FAM228B: variants seen among roughly 807,000 people sequenced by gnomAD.
The protein encoded by FAM228B is family with sequence similarity 228 member B.
A neutral mutation model predicts 42.6 loss-of-function variants in FAM228B; 38 were observed. The ratio of observed to expected loss-of-function variants is 0.89; its 90% CI spans 0.69 to 1.17. FAM228B has a LOEUF of 1.17. Ranked by LOEUF, FAM228B falls within the 50% of genes most tolerant of loss-of-function variation. FAM228B has a pLI of 0.00. For missense variants in FAM228B, 344 were observed against 367.3 expected (o/e 0.94, Z 0.52); for synonymous variants, 109 against 122.3 (o/e 0.89, Z 0.72).
In FAM228B at chr2:24,124,481, G is replaced by T. The variant is rs778177806; in HGVS notation, c.99+21G>T. The T allele has an allele frequency of 1.7e-5, 25 of 1,468,738 alleles. 1 individual carries two copies. The South Asian group carries it at 2.8e-4, about 16-fold the overall frequency. The allele number at this position is 1,468,738 out of a possible 1,614,324, so 91.0% of individuals were successfully genotyped here. ...TGGAGGTATATATCAAATAGTGTGG[G>T]ATTTGGAGATTTTTTTACTTGGATC... On this transcript the variant is annotated intron_variant, in intron 2 of 10. Transcript: ENST00000615575.
At chr2:24,102,551 A>T (rs948896714) in intron 3 of FAM228B, among the ~76,000 whole-genome samples, 2 of 152,220 alleles carry the variant, frequency 1.3e-5, no homozygotes, top group Non-Finnish European at 2.9e-5. Flanking sequence ...CAGTCTGGCT[A>T]ACATGGCAAA....
intron 7 of FAM228B, among the ~76,000 whole-genome samples, chr2:24,159,062 C>G (rs1667228715): frequency 6.6e-6 from 1 of 152,156 alleles, no homozygotes. Flanking sequence ...TTCACATGGT[C>G]TTCTCTCTGT....
intron 2 of FAM228B, among the ~76,000 whole-genome samples, chr2:24,091,686 G>A (rs1026006137): frequency 6.6e-6 from 1 of 151,902 alleles, no homozygotes. Flanking sequence ...TATTTAACAA[G>A]GAAGATACAA....
chr2:24,079,432 T>A (rs1379359720), intron 1 of FAM228B: 1 of 1,612,400 alleles, frequency 6.2e-7, no homozygotes, highest in Non-Finnish European at 8.5e-7. Context: ...TTTCTTTTCA[T>A]TCATCACTCA....
chr2:24,136,180 G>T (rs1233039396), intron 3 of FAM228B, among the ~76,000 whole-genome samples: 4 of 146,314 alleles, frequency 2.7e-5, no homozygotes, highest in Non-Finnish European at 4.5e-5. Context: ...TCCTGCCTCA[G>T]CCTCCCAATT....
chr2:24,164,776 A>G (rs1252423567), intron 9 of FAM228B, among the ~76,000 whole-genome samples: 1 of 152,158 alleles, frequency 6.6e-6, no homozygotes, highest in African/African-American at 2.4e-5. Context: ...AAGGACCAAT[A>G]CTAAATTCAA....
At chr2:24,144,057 T>C (rs1666830315) in intron 5 of FAM228B, among the ~76,000 whole-genome samples, 1 of 152,042 alleles carries the variant, frequency 6.6e-6, no homozygotes, top group Non-Finnish European at 1.5e-5. Flanking sequence ...ATTTATGATG[T>C]GTAAGTGCTT....
At chr2:24,083,035 C>T in intron 2 of FAM228B, 3 of 1,614,200 alleles carry the variant, frequency 1.9e-6, no homozygotes, top group Non-Finnish European at 2.5e-6. Context: ...AGAGCCATGG[C>T]TGTGTCCCCG....
In FAM228B at chr2:24,093,326, G is replaced by A. The variant is rs549134560; in HGVS notation, c.-209-1815G>A. Among the ~76,000 whole-genome samples, 39 of 145,582 alleles carry A rather than the reference G, an allele frequency of 2.7e-4. No homozygotes were observed. The South Asian group carries it at 2.7e-3, about 10-fold the overall frequency. On this transcript the variant is annotated intron_variant, in intron 2 of 10. Coordinates refer to the FAM228B transcript ENST00000613899. The stretch of plus-strand genomic sequence containing the variant: ...TGCCCCTAGCCCCCCAACAGGCCCC[G>A]GTGTGTGATGTCCCCCTCCGTGTGT...
At chr2:24,096,118 C>T (rs1214183412) in intron 3 of FAM228B, 1 of 152,172 alleles carries the variant, frequency 6.6e-6, no homozygotes, top group Non-Finnish European at 1.5e-5. Context: ...ACCAAAACCC[C>T]ATCTGTAGGT....
chr2:24,142,210 C>G (rs1294642024), intron 5 of FAM228B, among the ~76,000 whole-genome samples: 3 of 152,172 alleles, frequency 2.0e-5, no homozygotes, highest in African/African-American at 7.2e-5. Context: ...AACATTATCT[C>G]CTTTCCCCCT....
intron 3 of FAM228B, among the ~76,000 whole-genome samples, chr2:24,105,642 C>T (rs557204080): frequency 6.6e-6 from 1 of 152,092 alleles, no homozygotes; most frequent in Admixed American, 6.5e-5. Context: ...AAATAGAATT[C>T]AGAATATGGA....
At chr2:24,123,933 C>G (rs1666223462) in intron 1 of FAM228B, among the ~76,000 whole-genome samples, 1 of 152,194 alleles carries the variant, frequency 6.6e-6, no homozygotes, top group Non-Finnish European at 1.5e-5. Context: ...GAAAGCCCCT[C>G]CCTGCCTTCT....
Position 24,147,022 on chromosome 2 carries a change from A to C in FAM228B, c.622A>C (p.Thr208Pro). The change falls in exon 7 of 11, where the codon ACT (threonine) becomes CCT (proline). Residue 208 changes from threonine to proline, a missense_variant. Transcript: ENST00000615575. ...AATTTCTAATTCAAGGCACTTTATA[A>C]CTCCAAACGAGTGGCTGAAACTGCC... ...PQISNSRHFI[T>P]PNEWLKLPTR... 6.4e-7 allele frequency: 1 copy of C among 1,551,442 alleles called. No homozygotes were observed. The highest frequency in any genetic ancestry group is 8.7e-7 in the Non-Finnish European group (1 of 1,146,830).
intron 7 of FAM228B, among the ~76,000 whole-genome samples, chr2:24,157,806 A>G (rs1354594277): frequency 2.0e-5 from 3 of 152,088 alleles, no homozygotes; most frequent in Non-Finnish European, 4.4e-5. Flanking sequence ...TGAGGGTGGG[A>G]CCTACACATC....
intron 5 of FAM228B, among the ~76,000 whole-genome samples, chr2:24,141,463 C>T (rs559656437): frequency 6.6e-6 from 1 of 152,164 alleles, no homozygotes; most frequent in Non-Finnish European, 1.5e-5. Context: ...CCAGGATGGT[C>T]TCAATCTCCT....
intron 7 of FAM228B, among the ~76,000 whole-genome samples, chr2:24,153,990 G>A (rs76240497): frequency 0.03 from 4,501 of 152,256 alleles, 86 homozygotes; most frequent in African/African-American, 0.058. Flanking sequence ...GGGCAGAACC[G>A]AATTCAGCAT....
rs11693860 is a variant in FAM228B at position 24,146,804 on chromosome 2, C to T, written c.498C>T (p.Asn166=). Residue 166 remains asparagine, a synonymous_variant, in exon 6 of 11, where the codon AAC becomes AAT. Transcript: ENST00000615575. ...PLKKAQYDKD[N]EKRTLLQCET... Reference sequence around the variant, plus strand: ...AAAAAGCACAATATGACAAGGATAACGAAAAAAGAACTCTTCTTCAGTGTG... The same window carrying T: ...AAAAAGCACAATATGACAAGGATAATGAAAAAAGAACTCTTCTTCAGTGTG... The T allele has an allele frequency of 0.93, 1,437,692 of 1,549,078 alleles. 670,949 individuals are homozygous for T. Among genetic ancestry groups the T allele is most frequent in the South Asian group, 0.95 (79,835 of 83,864 alleles).
intron 3 of FAM228B, among the ~76,000 whole-genome samples, chr2:24,110,771 C>A (rs190658191): frequency 2.6e-5 from 4 of 152,126 alleles, no homozygotes; most frequent in African/African-American, 4.8e-5. Context: ...GGACTCCCCC[C>A]CCAAATCTGT....
Sources: gnomAD v4.1 joint callset for allele counts (sites outside exome capture counted in the v4.1 genomes callset) on GRCh38, gnomAD v4.1.1 for gene constraint, MANE v1.5 for transcripts, NCBI Gene and HGNC (gene_info 2026-07-23, HGNC 2026-07-21) for gene names.